AUTS2: variants seen among roughly 807,000 people sequenced by gnomAD.
The protein encoded by AUTS2 is autism susceptibility gene 2 protein.
In AUTS2, 17 loss-of-function variants were observed where a neutral mutation model predicts 112.4. The observed-to-expected ratio is 0.15, with a 90% confidence interval of 0.10 to 0.23. The LOEUF is 0.23. AUTS2 is among the 10% of genes least tolerant of loss of function. AUTS2 has a pLI of 1.00. For synonymous variants in AUTS2, 751 were observed against 702.7 expected (o/e 1.07, Z -1.09); for missense variants, 1,510 against 1,701.6 (o/e 0.89, Z 1.98).
chr7:70,773,475 G>T (rs945746982), intron 11 of AUTS2, among the ~76,000 whole-genome samples: 3 of 152,176 alleles, frequency 2.0e-5, no homozygotes, highest in Non-Finnish European at 4.4e-5. Flanking sequence ...GAGCAGATCC[G>T]CAAGGTCCCT....
chr7:69,914,825 G>A (rs73168758), intron 2 of AUTS2, among the ~76,000 whole-genome samples: 10,657 of 151,968 alleles, frequency 0.07, 446 homozygotes, highest in African/African-American at 0.093. Context: ...CATGAATAGC[G>A]TGTCTTTTCA....
At chr7:69,878,744 A>G (rs891747082) in intron 1 of AUTS2, among the ~76,000 whole-genome samples, 1 of 152,202 alleles carries the variant, frequency 6.6e-6, no homozygotes, top group Non-Finnish European at 1.5e-5. Flanking sequence ...TAGGAAGAGC[A>G]TCAATTATGT....
At chr7:70,125,245 A>G (rs926286218) in intron 3 of AUTS2, among the ~76,000 whole-genome samples, 27 of 144,914 alleles carry the variant, frequency 1.9e-4, no homozygotes, top group Non-Finnish European at 2.3e-4. Context: ...TTATTTGGAG[A>G]TGTGTGTGTG....
At chr7:70,050,394 A>G (rs1801699121) in intron 2 of AUTS2, among the ~76,000 whole-genome samples, 1 of 150,268 alleles carries the variant, frequency 6.7e-6, no homozygotes, top group Non-Finnish European at 1.5e-5. Flanking sequence ...ACTTTTCCAA[A>G]TAATGGTCAA....
At chr7:70,289,265 G>A (rs1788601792) in intron 4 of AUTS2, among the ~76,000 whole-genome samples, 2 of 152,204 alleles carry the variant, frequency 1.3e-5, no homozygotes, top group Admixed American at 1.3e-4. Flanking sequence ...ATGATCCAAG[G>A]AACATCTGAG....
At chr7:70,612,337 A>G (rs531903013) in intron 5 of AUTS2, among the ~76,000 whole-genome samples, 40 of 152,330 alleles carry the variant, frequency 2.6e-4, no homozygotes, top group African/African-American at 9.6e-4. Flanking sequence ...GAGTCCCTGT[A>G]GAGATAGCAG....
At chr7:69,982,410 T>C (rs1266237783) in intron 2 of AUTS2, among the ~76,000 whole-genome samples, 1 of 152,178 alleles carries the variant, frequency 6.6e-6, no homozygotes, top group Non-Finnish European at 1.5e-5. Flanking sequence ...CAAGGAAAGC[T>C]TTGTGTGCTG....
At chr7:70,377,856 C>T (rs1222303189) in intron 4 of AUTS2, among the ~76,000 whole-genome samples, 5 of 151,452 alleles carry the variant, frequency 3.3e-5, no homozygotes, top group South Asian at 2.1e-4. Context: ...CTGCAAGCTC[C>T]GCCTCCCGGG....
intron 4 of AUTS2, among the ~76,000 whole-genome samples, chr7:70,197,493 CGCG>C (rs1810245975): frequency 7.4e-6 from 1 of 135,242 alleles, no homozygotes; most frequent in Non-Finnish European, 1.6e-5. Context: ...GCGCACCGTG[CGCG>C]AGCCGAAGCA....
In AUTS2 at chr7:70,435,657, C is replaced by T. The variant is rs148019346; in HGVS notation, c.661-95C>T. ...TTTTTTATTTCCTTTACTTATCTTGCACTTTTTTTGTATGGGGGTTGGGGG... is the reference window on the plus strand; with the variant it reads ...TTTTTTATTTCCTTTACTTATCTTGTACTTTTTTTGTATGGGGGTTGGGGG... On this transcript the variant is annotated intron_variant, in intron 4 of 18. Coordinates refer to ENST00000342771, the MANE Select transcript of AUTS2 (RefSeq NM_015570.4). The T allele has an allele frequency of 1.0e-4, 127 of 1,230,132 alleles. No homozygotes were observed. In the South Asian group the frequency reaches 1.1e-3, roughly 10 times the overall value. The allele number at this position is 1,230,132 out of a possible 1,614,324, so 76.2% of individuals were successfully genotyped here.
intron 2 of AUTS2, among the ~76,000 whole-genome samples, chr7:69,931,911 T>C (rs529000623): frequency 6.6e-6 from 1 of 152,346 alleles, no homozygotes; most frequent in African/African-American, 2.4e-5. Flanking sequence ...TGATGACTCT[T>C]TTTAATTAAT....
intron 2 of AUTS2, among the ~76,000 whole-genome samples, chr7:70,059,436 A>G (rs1802140994): frequency 6.6e-6 from 1 of 152,158 alleles, no homozygotes; most frequent in African/African-American, 2.4e-5. Context: ...TTTGTCAATT[A>G]TGGGAAAAAG....
At chr7:70,147,492 C>A (rs1057299269) in intron 4 of AUTS2, among the ~76,000 whole-genome samples, 1 of 152,070 alleles carries the variant, frequency 6.6e-6, no homozygotes, top group African/African-American at 2.4e-5. Context: ...CACTTACCTA[C>A]AACTTCCAGA....
chr7:69,694,692 T>C lies in AUTS2; in HGVS notation c.309+94730T>C, dbSNP rs1378878007. Among the ~76,000 whole-genome samples, 4 of 152,184 alleles carry C rather than the reference T, an allele frequency of 2.6e-5. No homozygotes were observed. In the East Asian group the frequency reaches 7.7e-4, roughly 29 times the overall value. On this transcript the variant is annotated intron_variant, in intron 1 of 18. Transcript: ENST00000342771. ...GAAAGTTGGCTTTCGTTGTTCTGTA[T>C]TTGGGTGCTTAGTGGACAGGAGTTA...
chr7:70,096,033 A>T (rs191515731), intron 2 of AUTS2, among the ~76,000 whole-genome samples: 1 of 152,026 alleles, frequency 6.6e-6, no homozygotes. Context: ...TATCTCCTCA[A>T]CTCTGAGTTC....
At chr7:69,667,348 GTGT>G (rs1332803747) in intron 1 of AUTS2, among the ~76,000 whole-genome samples, 10 of 62,974 alleles carry the variant, frequency 1.6e-4, no homozygotes, top group Admixed American at 3.1e-4. Flanking sequence ...TTGTTTTGTT[GTGT>G]TTTTTTTTTT....
chr7:69,981,908 G>A (rs545293792), intron 2 of AUTS2, among the ~76,000 whole-genome samples: 1 of 152,238 alleles, frequency 6.6e-6, no homozygotes, highest in South Asian at 2.1e-4. Context: ...TGTGACGGTT[G>A]CATTTGTGCT....
At chr7:69,743,261 A>T (rs1185279937) in intron 1 of AUTS2, among the ~76,000 whole-genome samples, 1 of 152,242 alleles carries the variant, frequency 6.6e-6, no homozygotes, top group Admixed American at 6.5e-5. Flanking sequence ...GTTGACACAC[A>T]TGAAGACCTG....
At chr7:69,994,617 G>T (rs1322029137) in intron 2 of AUTS2, among the ~76,000 whole-genome samples, 1 of 152,144 alleles carries the variant, frequency 6.6e-6, no homozygotes, top group Non-Finnish European at 1.5e-5. Context: ...GAGAATTTCA[G>T]TGGGATTATA....
Sources: gnomAD v4.1 joint callset for allele counts (sites outside exome capture counted in the v4.1 genomes callset) on GRCh38, gnomAD v4.1.1 for gene constraint, MANE v1.5 for transcripts, NCBI Gene and HGNC (gene_info 2026-07-23, HGNC 2026-07-21) for gene names.